The following RBFOX1 variants were observed in gnomAD, a reference collection of about 807,000 sequenced individuals.
RBFOX1 encodes the protein RNA binding protein fox-1 homolog 1.
RBFOX1 carries 8 observed loss-of-function variants against 57.7 expected under a neutral mutation model. The observed-to-expected ratio is 0.14, with a 90% confidence interval of 0.08 to 0.25. The LOEUF (loss-of-function observed/expected upper bound fraction) is 0.25. Ranked by LOEUF, RBFOX1 falls within the 10% of genes least tolerant of loss-of-function variation. RBFOX1 has a pLI of 1.00. For missense variants in RBFOX1, 611 were observed against 548.5 expected (o/e 1.11, Z -1.14); for synonymous variants, 326 against 222.4 (o/e 1.47, Z -4.15).
At chr16:6,824,394 C>A in intron 3 of RBFOX1, among the ~76,000 whole-genome samples, 1 of 152,244 alleles carries the variant, frequency 6.6e-6, no homozygotes, top group East Asian at 1.9e-4. Context: ...GGCAACAGAG[C>A]GAGATTCCAT....
chr16:5,649,155 A>C (rs2151356060), intron 3 of RBFOX1, among the ~76,000 whole-genome samples: 1 of 152,052 alleles, frequency 6.6e-6, no homozygotes, highest in South Asian at 2.1e-4. Context: ...ATATATACAC[A>C]TATATATGTA....
At chr16:6,217,718 C>T (rs2097345067) in intron 1 of RBFOX1, among the ~76,000 whole-genome samples, 1 of 152,156 alleles carries the variant, frequency 6.6e-6, no homozygotes, top group Non-Finnish European at 1.5e-5. Context: ...TAGGCCCTCA[C>T]AAATATGTTG....
At chr16:6,510,191 G>T (rs1313737316) in intron 2 of RBFOX1, among the ~76,000 whole-genome samples, 1 of 152,150 alleles carries the variant, frequency 6.6e-6, no homozygotes, top group East Asian at 1.9e-4. Flanking sequence ...TCATTATAAA[G>T]ATTTATTTTT....
intron 3 of RBFOX1, among the ~76,000 whole-genome samples, chr16:6,676,770 G>C (rs1383627333): frequency 6.7e-6 from 1 of 148,390 alleles, no homozygotes; most frequent in Non-Finnish European, 1.5e-5. Flanking sequence ...TTGCCTCCCA[G>C]GTTGAAGCAT....
At chr16:5,711,564 C>A (rs936750392) in intron 3 of RBFOX1, among the ~76,000 whole-genome samples, 1 of 152,166 alleles carries the variant, frequency 6.6e-6, no homozygotes. Flanking sequence ...GTGGCAGGAA[C>A]AGTGCAGGCA....
At chr16:7,708,977 T>C in intron 14 of RBFOX1, 79 bp from the exon 15 acceptor site, 6 of 1,357,564 alleles carry the variant, frequency 4.4e-6, no homozygotes, top group Non-Finnish European at 5.3e-6. Flanking sequence ...CATACTGTCT[T>C]GGTATTTTGG....
intron 2 of RBFOX1, among the ~76,000 whole-genome samples, chr16:5,569,832 G>T (rs2046217158): frequency 6.6e-6 from 1 of 152,016 alleles, no homozygotes; most frequent in Non-Finnish European, 1.5e-5. Context: ...TTCTTGACAT[G>T]GTCTTCCTCT....
chr16:6,368,865 G>T (rs929383635), intron 2 of RBFOX1, among the ~76,000 whole-genome samples: 1 of 152,160 alleles, frequency 6.6e-6, no homozygotes, highest in African/African-American at 2.4e-5. Flanking sequence ...TCATCAAAAT[G>T]AGAAAGTAAA....
chr16:7,341,776 CTCCTTCCTTCCTTCCTTCCT>C (rs767808435), intron 4 of RBFOX1, among the ~76,000 whole-genome samples: 21,979 of 94,998 alleles, frequency 0.23, 2,455 homozygotes, highest in African/African-American at 0.29. Context: ...CCCTCCCTCC[CTCCTTCCTTCCTTCCTTCCT>C]TCCTTCCTTC....
chr16:5,335,588 T>A (rs1181461462), intron 1 of RBFOX1, among the ~76,000 whole-genome samples: 1 of 152,174 alleles, frequency 6.6e-6, no homozygotes, highest in Non-Finnish European at 1.5e-5. Flanking sequence ...GCTATGTCCT[T>A]CCTCTTCTCC....
intron 1 of RBFOX1, among the ~76,000 whole-genome samples, chr16:5,296,990 C>G (rs963555763): frequency 1.3e-5 from 2 of 151,988 alleles, no homozygotes; most frequent in African/African-American, 4.8e-5. Flanking sequence ...TTTTTAGATT[C>G]CACATGTATT....
At chr16:7,704,303 C>G (rs1568573445) in intron 14 of RBFOX1, among the ~76,000 whole-genome samples, 1 of 152,150 alleles carries the variant, frequency 6.6e-6, no homozygotes, top group Non-Finnish European at 1.5e-5. Flanking sequence ...TCTTTTATAT[C>G]TTTGTTTAGT....
rs2081544762 is a variant in RBFOX1, at chr16:6,784,338, C to T, written c.-16+129688C>T. Among the ~76,000 whole-genome samples the T allele has an allele frequency of 2.6e-5, 4 of 151,958 alleles. No homozygotes were observed. The South Asian group carries it at 6.2e-4, about 24-fold the overall frequency. ...TTTTTTTCTCTACAGACTGTATTTT[C>T]AAATAGCCTCTCTTTGAGCTCACTG... On this transcript the variant is annotated intron_variant, in intron 3 of 15. Coordinates refer to ENST00000550418, the MANE Select transcript of RBFOX1 (RefSeq NM_018723.4).
chr16:7,373,084 A>G (rs2097600162), intron 4 of RBFOX1, among the ~76,000 whole-genome samples: 1 of 151,898 alleles, frequency 6.6e-6, no homozygotes, highest in Non-Finnish European at 1.5e-5. Context: ...GGTGCCTGCC[A>G]CCATGCGTGG....
At chr16:6,024,039 T>C (rs2095137273) in intron 1 of RBFOX1, among the ~76,000 whole-genome samples, 2 of 152,192 alleles carry the variant, frequency 1.3e-5, no homozygotes, top group Admixed American at 6.5e-5. Context: ...CGTGGAGTTA[T>C]ATACACAGGC....
At chr16:6,352,544 C>T (rs1452003690) in intron 2 of RBFOX1, among the ~76,000 whole-genome samples, 2 of 152,080 alleles carry the variant, frequency 1.3e-5, no homozygotes, top group Non-Finnish European at 2.9e-5. Flanking sequence ...CAAAGGAGGG[C>T]ACTGAGAGCT....
At chr16:7,192,659 A>G (rs1374493163) in intron 4 of RBFOX1, among the ~76,000 whole-genome samples, 3 of 152,156 alleles carry the variant, frequency 2.0e-5, no homozygotes, top group Non-Finnish European at 4.4e-5. Context: ...TATTGTTTCG[A>G]CGTCAATTTC....
At chr16:5,283,996 G>A (rs1011234487) in intron 1 of RBFOX1, among the ~76,000 whole-genome samples, 2 of 152,216 alleles carry the variant, frequency 1.3e-5, no homozygotes, top group East Asian at 3.9e-4. Flanking sequence ...GTTATTGGAG[G>A]GACCTAGTGG....
chr16:5,653,491 C>T (rs371939024), intron 3 of RBFOX1, among the ~76,000 whole-genome samples: 17 of 26,446 alleles, frequency 6.4e-4, no homozygotes, highest in Middle Eastern at 0.019. Flanking sequence ...CCGTGTGCTG[C>T]GTCTTTGAGG....
Sources: gnomAD v4.1 joint callset for allele counts (sites outside exome capture counted in the v4.1 genomes callset) on GRCh38, gnomAD v4.1.1 for gene constraint, MANE v1.5 for transcripts, NCBI Gene and HGNC (gene_info 2026-07-23, HGNC 2026-07-21) for gene names.